The following DNAJC11 variants were observed in gnomAD, a reference collection of about 807,000 sequenced individuals.
DNAJC11 encodes the protein dnaJ homolog subfamily C member 11.
A neutral mutation model predicts 78.6 loss-of-function variants in DNAJC11; 15 were observed. The ratio of observed to expected loss-of-function variants is 0.19; its 90% CI spans 0.13 to 0.29. The LOEUF is 0.29. DNAJC11 is among the 10% of genes least tolerant of loss of function. DNAJC11 has a pLI of 1.00. For missense variants in DNAJC11, 547 were observed against 709.6 expected, an observed-to-expected ratio of 0.77 and a Z score of 2.60; for synonymous variants, 292 against 272.1, an observed-to-expected ratio of 1.07 and a Z score of -0.72.
At position 6,634,202 on chromosome 1, in the gene DNAJC11, C is replaced by A; in HGVS notation, c.*1473G>T. The A allele has an allele frequency of 9.5e-7, 1 of 1,049,792 alleles. No individual in the cohort carries two copies. Among genetic ancestry groups the A allele is most frequent in the Non-Finnish European group, 1.4e-6 (1 of 704,552 alleles). 65.0% of individuals were successfully genotyped at this position (1,049,792 alleles called of 1,614,324 possible). ...AGGAAAGGTTTATTGTGGTGAGTGC[C>A]TTCTGTACAGTCGACTGCAAATGAA... On this transcript the variant is annotated 3_prime_UTR_variant, in exon 16 of 16. Coordinates refer to ENST00000377577, the MANE Select transcript of DNAJC11 (RefSeq NM_018198.4).
At chr1:6,665,367 C>T (rs11122115) in intron 4 of DNAJC11, among the ~76,000 whole-genome samples, 32,018 of 152,104 alleles carry the variant, frequency 0.21, 3,819 homozygotes, top group Admixed American at 0.32. Context: ...CCACGCCCAT[C>T]CTCCATGGTC....
At chr1:6,660,872 C>G (rs200452) in intron 4 of DNAJC11, among the ~76,000 whole-genome samples, 136,017 of 152,330 alleles carry the variant, frequency 0.89, 61,058 homozygotes, top group Admixed American at 0.95. Context: ...GCCTGAGTTA[C>G]AGCCTTTCTC....
rs1641734487 is a variant in DNAJC11 at position 6,635,020 on chromosome 1, A to AGTT, written c.*652_*654dup. 2.2e-6 allele frequency: 1 copy of AGTT among 445,690 alleles called. No homozygotes were observed. The highest frequency in any genetic ancestry group is 2.8e-5 in the South Asian group (1 of 35,552). 27.6% of individuals were successfully genotyped at this position (445,690 alleles called of 1,614,324 possible). ...GTCAGGGCTAGGCCCTGGGATCGGG[A>AGTT]GTTACACTACCCTGTCCCAAGCCGA... On this transcript the variant is annotated 3_prime_UTR_variant, in exon 16 of 16. Transcript: ENST00000377577.
intron 7 of DNAJC11, among the ~76,000 whole-genome samples, chr1:6,647,266 A>G (rs1031248693): frequency 6.6e-6 from 1 of 151,758 alleles, no homozygotes; most frequent in Non-Finnish European, 1.5e-5. Flanking sequence ...TATTTTTAGT[A>G]GAGATGGGGT....
At chr1:6,678,332 G>A (rs993435475) in intron 3 of DNAJC11, 62 bp downstream of exon 3, 1 of 1,420,054 alleles carries the variant, frequency 7.0e-7, no homozygotes, top group Non-Finnish European at 1.0e-6. Flanking sequence ...CAGGGTTTTG[G>A]GGAGATGTTC....
chr1:6,652,837 A>G lies in DNAJC11; in HGVS notation c.622T>C (p.Trp208Arg). ...CCAATAGACATTCTTACCTCTCCCC[A>G]TCCCTTTGCCGAAGTTACTCGTCTG... ...ALRRVTSAKGWGELEFGAGDL... is the reference protein window; with the variant it reads ...ALRRVTSAKGRGELEFGAGDL... Residue 208 changes from tryptophan to arginine, a missense_variant, in exon 6 of 16, where the codon TGG (tryptophan) becomes CGG (arginine). Trp to Arg is a moderately radical substitution (Grantham distance 101). Transcript: ENST00000377577. 6.2e-7 allele frequency: 1 copy of G among 1,614,158 alleles called. No homozygotes were observed. Among genetic ancestry groups the G allele is most frequent in the South Asian group, 1.1e-5 (1 of 91,086 alleles).
At chr1:6,671,427 G>A (rs948240730) in intron 3 of DNAJC11, among the ~76,000 whole-genome samples, 7 of 138,464 alleles carry the variant, frequency 5.1e-5, no homozygotes, top group South Asian at 2.4e-4. Flanking sequence ...TAGTAGAGAC[G>A]GGGTTTCACC....
At position 6,645,176 on chromosome 1, in the gene DNAJC11, T is replaced by G; in HGVS notation, c.895-50A>C. ...TGCGTGGCTAGGGCGTGTGACTCTG[T>G]GGGGAGATGGGTATCTGCCCTCCCA... is the stretch of plus-strand genomic sequence containing the variant. On this transcript the variant is annotated intron_variant, in intron 8 of 15. Transcript: ENST00000377577. The surrounding 1 kb of genome is among the most constrained non-coding windows in gnomAD (Gnocchi z 4.1). 1 of 1,434,286 alleles carries G rather than the reference T, an allele frequency of 7.0e-7. No individual in the cohort carries two copies. Among genetic ancestry groups the G allele is most frequent in the Non-Finnish European group, 9.8e-7 (1 of 1,019,702 alleles). 88.8% of individuals were successfully genotyped at this position (1,434,286 alleles called of 1,614,324 possible).
At chr1:6,681,362 T>C (rs1642549847) in intron 1 of DNAJC11, among the ~76,000 whole-genome samples, 1 of 152,174 alleles carries the variant, frequency 6.6e-6, no homozygotes, top group Non-Finnish European at 1.5e-5. Context: ...CTTTAACTTA[T>C]TTGAAGTAAA....
rs553376592 is a variant in DNAJC11 at position 6,650,639 on chromosome 1, C to T, written c.704+890G>A. On this transcript the variant is annotated intron_variant, in intron 7 of 15. Coordinates refer to ENST00000377577, the MANE Select transcript of DNAJC11 (RefSeq NM_018198.4). Reference sequence around the variant, plus strand: ...CTGTAATCTCACCACTTTGGGAGGCCGAGGCAGGTGGATCACCTGAGGTCA... The same window carrying T: ...CTGTAATCTCACCACTTTGGGAGGCTGAGGCAGGTGGATCACCTGAGGTCA... Among the ~76,000 whole-genome samples the T allele has an allele frequency of 1.2e-3, 190 of 152,100 alleles. 2 individuals are homozygous for T. Among genetic ancestry groups the T allele is most frequent in the Middle Eastern group, 3.4e-3 (1 of 294 alleles).
chr1:6,687,719 C>G (rs1642680411), intron 1 of DNAJC11, among the ~76,000 whole-genome samples: 1 of 152,136 alleles, frequency 6.6e-6, no homozygotes, highest in Non-Finnish European at 1.5e-5. Flanking sequence ...CAACGCCCCC[C>G]TTCTCTCATT....
At chr1:6,657,888 G>A (rs1031516268) in intron 4 of DNAJC11, among the ~76,000 whole-genome samples, 5 of 152,184 alleles carry the variant, frequency 3.3e-5, no homozygotes, top group African/African-American at 1.2e-4. Context: ...CTCGTGATCT[G>A]CCCACCTTGG....
chr1:6,653,752 C>G lies in DNAJC11; in HGVS notation c.507+159G>C. On this transcript the variant is annotated intron_variant, in intron 5 of 15. Coordinates refer to ENST00000377577, the MANE Select transcript of DNAJC11 (RefSeq NM_018198.4). The surrounding 1 kb of genome is among the most constrained non-coding windows in gnomAD (Gnocchi z 4.5). ...ATGCCAGCACAGCGGTAACACACGGCTGGGAATGAAGCGCTTTCTTTTTTA... is the reference window on the plus strand; with the variant it reads ...ATGCCAGCACAGCGGTAACACACGGGTGGGAATGAAGCGCTTTCTTTTTTA... 1.0e-6 allele frequency: 1 copy of G among 968,518 alleles called. No homozygotes were observed. Among genetic ancestry groups the G allele is most frequent in the Non-Finnish European group, 1.5e-6 (1 of 674,188 alleles). 60.0% of individuals were successfully genotyped at this position (968,518 alleles called of 1,614,324 possible). A position where few individuals can be genotyped will look rare whatever the true frequency, so the allele number is the denominator to read the frequency against.
rs1642079417 is a variant in DNAJC11, at chr1:6,653,076, ACAT to A, written c.508-128_508-126del. 2.7e-6 allele frequency: 3 copies of A among 1,118,018 alleles called. No individual in the cohort carries two copies. The highest frequency in any genetic ancestry group is 1.6e-5 in the African/African-American group (1 of 64,138). 69.3% of individuals were successfully genotyped at this position (1,118,018 alleles called of 1,614,324 possible). A position where few individuals can be genotyped will look rare whatever the true frequency, so the allele number is the denominator to read the frequency against. On this transcript the variant is annotated intron_variant, in intron 5 of 15. Transcript: ENST00000377577. This position sits in a 1 kb window ranked among gnomAD's most constrained non-coding sequence, Gnocchi z 4.5. ...AGACGATTCCTCTGTTCAGAAGCACACATGGATGCAGAACTGCCGCAACAGCTT... is the reference window on the plus strand; with the variant it reads ...AGACGATTCCTCTGTTCAGAAGCACAGGATGCAGAACTGCCGCAACAGCTT...
intron 1 of DNAJC11, among the ~76,000 whole-genome samples, chr1:6,692,036 C>T (rs1207427039): frequency 1.3e-5 from 2 of 152,302 alleles, no homozygotes; most frequent in East Asian, 3.9e-4. Flanking sequence ...AAGCATGTTG[C>T]TCTCATGTCC....
At position 6,645,154 on chromosome 1, in the gene DNAJC11, G is replaced by C. The variant is rs111704540; in HGVS notation, c.895-28C>G. The C allele has an allele frequency of 6.3e-7, 1 of 1,575,692 alleles. No homozygotes were observed. The highest frequency in any genetic ancestry group is 8.7e-7 in the Non-Finnish European group (1 of 1,146,548). ...GGGGAGACAGAGGGTGCAAGGATGC[G>C]TGGCTAGGGCGTGTGACTCTGTGGG... On this transcript the variant is annotated intron_variant, in intron 8 of 15. Transcript: ENST00000377577. This position sits in a 1 kb window ranked among gnomAD's most constrained non-coding sequence, Gnocchi z 4.1.
chr1:6,687,997 CA>C (rs1380891357), intron 1 of DNAJC11, among the ~76,000 whole-genome samples: 1 of 152,106 alleles, frequency 6.6e-6, no homozygotes, highest in Non-Finnish European at 1.5e-5. Context: ...AAATACCATA[CA>C]AAAAAATATA....
intron 1 of DNAJC11, among the ~76,000 whole-genome samples, chr1:6,694,274 C>T (rs965740069): frequency 4.0e-4 from 61 of 152,128 alleles, no homozygotes; most frequent in Non-Finnish European, 7.9e-4. Context: ...GGGGCAAGTT[C>T]AGCTAACTAC....
chr1:6,675,701 G>A (rs2147876017), intron 3 of DNAJC11, among the ~76,000 whole-genome samples: 1 of 152,296 alleles, frequency 6.6e-6, no homozygotes, highest in East Asian at 1.9e-4. Flanking sequence ...GGAATTACAG[G>A]TGTGAGCCAC....
Sources: allele counts gnomAD v4.1 joint callset (sites outside exome capture counted in the v4.1 genomes callset), GRCh38; gene constraint gnomAD v4.1.1; non-coding constraint Gnocchi (gnomAD v3.1); transcripts MANE v1.5; gene names NCBI Gene and HGNC (gene_info 2026-07-23, HGNC 2026-07-21).